ST18: variants seen among roughly 807,000 people sequenced by gnomAD.
The protein encoded by ST18 is ST18 C2H2C-type zinc finger transcription factor, also known as suppression of tumorigenicity 18 protein.
ST18 carries 50 observed loss-of-function variants against 110.0 expected under a neutral mutation model. That is an observed-to-expected ratio of 0.45 (90% CI 0.36 to 0.58). The LOEUF (loss-of-function observed/expected upper bound fraction) is 0.58. Ranked by LOEUF, ST18 falls within the 20% of genes least tolerant of loss-of-function variation. ST18 has a pLI of 0.00. For synonymous variants in ST18, 461 were observed against 452.4 expected, an observed-to-expected ratio of 1.02 and a Z score of -0.24; for missense variants, 1,306 against 1,280.1, an observed-to-expected ratio of 1.02 and a Z score of -0.31.
intron 2 of ST18, among the ~76,000 whole-genome samples, chr8:52,377,559 C>T (rs984750394): frequency 6.6e-6 from 1 of 152,166 alleles, no homozygotes; most frequent in Non-Finnish European, 1.5e-5. Context: ...GAAATGTGAA[C>T]TCACCCAGTT....
rs942498685 is a variant in ST18, at chr8:52,275,276, A to G, written c.-464-45199T>C. 1.3e-5 allele frequency among the ~76,000 whole-genome samples: 2 copies of G among 152,254 alleles called. 1 individual carries two copies. Among genetic ancestry groups the G allele is most frequent in the Admixed American group, 1.3e-4 (2 of 15,288 alleles). ...AATAAAAACTTGTGACCTTGTGAATAGTGACAACACTGTCTTCTACTATCT... is the reference window on the plus strand; with the variant it reads ...AATAAAAACTTGTGACCTTGTGAATGGTGACAACACTGTCTTCTACTATCT... On this transcript the variant is annotated intron_variant, in intron 2 of 25. Coordinates refer to ENST00000689386, the MANE Select transcript of ST18 (RefSeq NM_001352837.2).
intron 2 of ST18, among the ~76,000 whole-genome samples, chr8:52,278,302 A>G (rs189818517): frequency 6.6e-6 from 1 of 152,354 alleles, no homozygotes; most frequent in East Asian, 1.9e-4. Flanking sequence ...GGCAATATGG[A>G]GAGTCAATGG....
chr8:52,380,931 G>A (rs889368162), intron 2 of ST18, among the ~76,000 whole-genome samples: 6 of 152,114 alleles, frequency 3.9e-5, no homozygotes, highest in African/African-American at 1.4e-4. Context: ...GGGGCGTTAG[G>A]GTTCTGTGAA....
At chr8:52,259,680 A>T (rs2094626474) in intron 2 of ST18, among the ~76,000 whole-genome samples, 1 of 152,240 alleles carries the variant, frequency 6.6e-6, no homozygotes, top group South Asian at 2.1e-4. Flanking sequence ...AGTGCTTTTC[A>T]TGGGTTAATT....
intron 2 of ST18, among the ~76,000 whole-genome samples, chr8:52,332,973 G>A (rs1421117560): frequency 2.0e-5 from 3 of 152,140 alleles, no homozygotes; most frequent in African/African-American, 7.2e-5. Flanking sequence ...TTGCAGCTGA[G>A]CATACTGGCT....
chr8:52,252,581 T>C (rs749547850), intron 2 of ST18, among the ~76,000 whole-genome samples: 5 of 151,874 alleles, frequency 3.3e-5, no homozygotes, highest in Non-Finnish European at 7.4e-5. Flanking sequence ...ACGTTTTAAA[T>C]ACAACCACCT....
At chr8:52,263,743 CTTTTTTT>C (rs755461916) in intron 2 of ST18, among the ~76,000 whole-genome samples, 1 of 94,594 alleles carries the variant, frequency 1.1e-5, no homozygotes, top group South Asian at 3.7e-4. Flanking sequence ...CAGTGCCTGG[CTTTTTTT>C]TTTTTTTTTT....
At chr8:52,213,914 C>A (rs2083129880) in intron 7 of ST18, among the ~76,000 whole-genome samples, 1 of 152,198 alleles carries the variant, frequency 6.6e-6, no homozygotes, top group Non-Finnish European at 1.5e-5. Context: ...CATGAAACAT[C>A]CCTCACTTGC....
chr8:52,141,762 T>A (rs1260520089), intron 17 of ST18, among the ~76,000 whole-genome samples: 2 of 151,948 alleles, frequency 1.3e-5, no homozygotes, highest in Non-Finnish European at 2.9e-5. Context: ...CCTAGAGAGC[T>A]TAGGAGAAGC....
rs1355387616 is a variant in ST18, at chr8:52,171,978, C to G, written c.883G>C (p.Asp295His). The change falls in exon 10 of 26, where the codon GAC (aspartate) becomes CAC (histidine). Residue 295 changes from aspartate (D) to histidine (H), a missense_variant. Asp to His is a moderately conservative substitution (Grantham distance 81). Coordinates refer to ENST00000689386, the MANE Select transcript of ST18 (RefSeq NM_001352837.2). ...AAATTCCCCTTGGCCTTTTCCAGGTCACTACCCTCTTCCGTCATTACTGCC... is the reference window on the plus strand; with the variant it reads ...AAATTCCCCTTGGCCTTTTCCAGGTGACTACCCTCTTCCGTCATTACTGCC... The part of the protein sequence containing the change: ...SLAVMTEEGS[D>H]LEKAKGNLSL... The G allele has an allele frequency of 8.1e-6, 13 of 1,614,194 alleles. No homozygotes were observed. The highest frequency in any genetic ancestry group is 1.6e-4 in the Middle Eastern group (1 of 6,062).
At chr8:52,116,531 T>C in intron 24 of ST18, 113 bp from the exon 25 acceptor site, 1 of 1,039,330 alleles carries the variant, frequency 9.6e-7, no homozygotes, top group Non-Finnish European at 1.4e-6. Context: ...GATGCAGAGA[T>C]GCATGCGTGT....
chr8:52,409,783 A>G (rs1022613964), upstream of ST18: 3 of 152,284 alleles, frequency 2.0e-5, no homozygotes, highest in African/African-American at 4.8e-5. Flanking sequence ...GCAACTTGCT[A>G]ACTTTGCTCT....
chr8:52,384,786 G>GCTGTGTGTGTGT (rs147007096), intron 2 of ST18, among the ~76,000 whole-genome samples: 3,183 of 147,466 alleles, frequency 0.022, 43 homozygotes, highest in Non-Finnish European at 0.032. Context: ...TGTGTACACA[G>GCTGTGTGTGTGT]GTGTGTGTGT....
At chr8:52,255,962 C>T (rs1459842116) in intron 2 of ST18, among the ~76,000 whole-genome samples, 2 of 152,196 alleles carry the variant, frequency 1.3e-5, no homozygotes. Flanking sequence ...CCTTGACCCC[C>T]ACTCCTTTCT....
intron 2 of ST18, among the ~76,000 whole-genome samples, chr8:52,261,666 T>A (rs961970824): frequency 2.6e-5 from 4 of 152,172 alleles, no homozygotes; most frequent in African/African-American, 7.2e-5. Flanking sequence ...CAAACAAATC[T>A]TTAAGCATTC....
intron 2 of ST18, among the ~76,000 whole-genome samples, chr8:52,400,038 T>C (rs1009532059): frequency 1.3e-5 from 2 of 152,188 alleles, no homozygotes; most frequent in Middle Eastern, 3.4e-3. Context: ...TGTATTGCTA[T>C]CTAGTTCTTC....
intron 2 of ST18, among the ~76,000 whole-genome samples, chr8:52,301,410 A>T (rs1447756108): frequency 6.6e-6 from 1 of 152,246 alleles, no homozygotes; most frequent in Non-Finnish European, 1.5e-5. Flanking sequence ...AGAATGATTC[A>T]GTATTAAGAT....
intron 22 of ST18, among the ~76,000 whole-genome samples, chr8:52,130,390 AAG>A (rs2049096074): frequency 6.6e-6 from 1 of 152,164 alleles, no homozygotes; most frequent in Non-Finnish European, 1.5e-5. Flanking sequence ...TCCCAGGCTT[AAG>A]CAATCGTCCT....
intron 2 of ST18, among the ~76,000 whole-genome samples, chr8:52,383,944 G>A (rs1168997008): frequency 1.3e-5 from 2 of 151,924 alleles, no homozygotes; most frequent in Non-Finnish European, 2.9e-5. Context: ...TGGAGAGGAG[G>A]TCTATGTTGC....
Sources: allele counts gnomAD v4.1 joint callset (sites outside exome capture counted in the v4.1 genomes callset), GRCh38; gene constraint gnomAD v4.1.1; transcripts MANE v1.5; gene names NCBI Gene and HGNC (gene_info 2026-07-23, HGNC 2026-07-21).